Variants in ENO4 observed in about 807,000 individuals in gnomAD.
ENO4 encodes 2-phospho-D-glycerate hydro-lyase.
Under a neutral mutation model 63.2 loss-of-function variants are expected in ENO4, and 53 were observed. That is an observed-to-expected ratio of 0.84 (90% CI 0.67 to 1.05). ENO4 has a LOEUF of 1.05. ENO4 is among the 50% of genes least tolerant of loss of function. The pLI is 0.00. For synonymous variants in ENO4, 266 were observed against 283.8 expected (o/e 0.94, Z 0.63); for missense variants, 719 against 772.0 (o/e 0.93, Z 0.81).
At chr10:116,868,076 C>T (rs1397455172) in intron 7 of ENO4, among the ~76,000 whole-genome samples, 1 of 152,214 alleles carries the variant, frequency 6.6e-6, no homozygotes, top group Non-Finnish European at 1.5e-5. Flanking sequence ...GGGAATGCCT[C>T]TTTGGGAATT....
chr10:116,859,254 C>A, intron 4 of ENO4, 116 bp downstream of exon 4: 1 of 1,228,362 alleles, frequency 8.1e-7, no homozygotes, highest in Non-Finnish European at 1.1e-6. Context: ...GGGCTCACGG[C>A]TAAAAGCCAT....
intron 11 of ENO4, among the ~76,000 whole-genome samples, chr10:116,877,549 A>G (rs902993102): frequency 6.6e-6 from 1 of 152,098 alleles, no homozygotes; most frequent in African/African-American, 2.4e-5. Context: ...ACCTGAGGCA[A>G]GGGTAGGTTC....
At chr10:116,886,412 C>T (rs368002468), downstream of ENO4, 139 of 1,593,698 alleles carry the variant, frequency 8.7e-5, no homozygotes, top group African/African-American at 8.0e-4. Context: ...GGTTGAATTT[C>T]GCCTTCATCC....
At chr10:116,907,330 T>C (rs1370820670) in intron 10 of ENO4, among the ~76,000 whole-genome samples, 1 of 152,082 alleles carries the variant, frequency 6.6e-6, no homozygotes, top group Non-Finnish European at 1.5e-5. Flanking sequence ...AAAGTTATAA[T>C]CATACAGAGA....
At chr10:116,906,663 G>A (rs1379531577) in intron 10 of ENO4, 7 of 1,613,160 alleles carry the variant, frequency 4.3e-6, no homozygotes, top group Middle Eastern at 1.6e-4. Flanking sequence ...TTTCTGCGAC[G>A]CAAAATCCTT....
At chr10:116,896,551 G>A (rs1396478375) in intron 10 of ENO4, among the ~76,000 whole-genome samples, 2 of 152,092 alleles carry the variant, frequency 1.3e-5, no homozygotes, top group South Asian at 2.1e-4. Context: ...CAATGGTGGC[G>A]AACTGATAGC....
At chr10:116,891,636 G>A (rs1446700744) in intron 10 of ENO4, among the ~76,000 whole-genome samples, 3 of 152,106 alleles carry the variant, frequency 2.0e-5, no homozygotes, top group East Asian at 3.8e-4. Context: ...CCTTTATACA[G>A]TTACTGCAGT....
At chr10:116,891,346 T>C (rs1847336939) in intron 10 of ENO4, among the ~76,000 whole-genome samples, 1 of 152,250 alleles carries the variant, frequency 6.6e-6, no homozygotes, top group African/African-American at 2.4e-5. Flanking sequence ...TAACACAATC[T>C]GGTGAATCAA....
chr10:116,867,834 T>G (rs1336641447), intron 7 of ENO4, among the ~76,000 whole-genome samples: 2 of 152,154 alleles, frequency 1.3e-5, no homozygotes, highest in East Asian at 3.9e-4. Context: ...AAACCAAGAC[T>G]GTTCTTTAAT....
At chr10:116,859,260 G>A in intron 4 of ENO4, 122 bp downstream of exon 4, 2 of 1,166,422 alleles carry the variant, frequency 1.7e-6, no homozygotes, top group South Asian at 4.4e-5. Flanking sequence ...ACGGCTAAAA[G>A]CCATCCATCC....
At chr10:116,872,781 G>A (rs954361118) in intron 9 of ENO4, among the ~76,000 whole-genome samples, 4 of 151,996 alleles carry the variant, frequency 2.6e-5, no homozygotes, top group Non-Finnish European at 5.9e-5. Context: ...CAAATTCAGG[G>A]GACATGACCA....
chr10:116,849,850 C>G (rs887686688), intron 1 of ENO4, 119 bp downstream of exon 1: 1 of 1,194,382 alleles, frequency 8.4e-7, no homozygotes, highest in Non-Finnish European at 1.2e-6. Context: ...CGCCCGGGCC[C>G]TGGGCCTGCG....
At chr10:116,902,277 G>A (rs1401472892) in intron 10 of ENO4, among the ~76,000 whole-genome samples, 1 of 152,132 alleles carries the variant, frequency 6.6e-6, no homozygotes, top group Non-Finnish European at 1.5e-5. Flanking sequence ...ATAGAGTATG[G>A]CTTTCTGACA....
At position 116,911,461 on chromosome 10, in the gene ENO4, T is replaced by C. The variant is rs866840883; in HGVS notation, c.1195-38T>C. The C allele has an allele frequency of 2.6e-5, 41 of 1,547,778 alleles. 1 individual carries two copies. In the Middle Eastern group the frequency reaches 2.0e-3, roughly 75 times the overall value. On this transcript the variant is annotated intron_variant, in intron 10 of 10. Transcript: ENST00000369207. ...GCATTATTCATCTATTATATTTCTGTTTTTCATCAACATGTACGGACCCTT... is the reference window on the plus strand; with the variant it reads ...GCATTATTCATCTATTATATTTCTGCTTTTCATCAACATGTACGGACCCTT...
chr10:116,907,988 T>G (rs556877823), intron 10 of ENO4: 1 of 484,052 alleles, frequency 2.1e-6, no homozygotes, highest in South Asian at 1.5e-5. Context: ...AAGCCTTGTT[T>G]CTTCTTTAGC....
At chr10:116,907,233 T>C (rs942191755) in intron 10 of ENO4, among the ~76,000 whole-genome samples, 1 of 152,140 alleles carries the variant, frequency 6.6e-6, no homozygotes, top group African/African-American at 2.4e-5. Flanking sequence ...CGTGGCGTCG[T>C]AGCTGTCAAA....
rs142867531 is a variant in ENO4, at chr10:116,908,602, T to C, written c.1195-2897T>C. On this transcript the variant is annotated intron_variant, in intron 10 of 10. Transcript: ENST00000369207. ...TCACTACTAAAATAAGTTGTAAAAC[T>C]ACTACATTGTTTCAATAGCAAGGAC... Among the ~76,000 whole-genome samples the C allele has an allele frequency of 8.3e-4, 127 of 152,332 alleles. 1 individual carries two copies. The highest frequency in any genetic ancestry group is 3.0e-3 in the African/African-American group (126 of 41,592).
At chr10:116,873,624 G>A (rs1846756995) in intron 9 of ENO4, among the ~76,000 whole-genome samples, 1 of 152,160 alleles carries the variant, frequency 6.6e-6, no homozygotes, top group Non-Finnish European at 1.5e-5. Context: ...GCCTAGCCTT[G>A]CTTTCAAGCG....
At chr10:116,861,231 A>AT (rs752256393) in intron 6 of ENO4, 41 bp downstream of exon 6, 154 of 525,760 alleles carry the variant, frequency 2.9e-4, no homozygotes, top group Admixed American at 8.6e-4. Flanking sequence ...TAAAAAAAAA[A>AT]AAAAAATATA....
Sources: allele counts gnomAD v4.1 joint callset (sites outside exome capture counted in the v4.1 genomes callset), GRCh38; gene constraint gnomAD v4.1.1; transcripts MANE v1.5; gene names NCBI Gene and HGNC (gene_info 2026-07-23, HGNC 2026-07-21).